The following SLC22A8 variants were observed in gnomAD, a reference collection of about 807,000 sequenced individuals.
SLC22A8 encodes the protein solute carrier family 22 member 8.
In SLC22A8, 40 loss-of-function variants were observed where a neutral mutation model predicts 48.4. The ratio of observed to expected loss-of-function variants is 0.83; its 90% CI spans 0.64 to 1.08. The LOEUF is 1.08. Among genes scored for constraint, SLC22A8 ranks in the 50% least tolerant of loss-of-function variants. The probability of loss-of-function intolerance (pLI) is 0.00; values close to 1 mark genes in which losing one functional copy is unlikely to be tolerated. For synonymous variants in SLC22A8, 268 were observed against 286.3 expected, an observed-to-expected ratio of 0.94 and a Z score of 0.65; for missense variants, 606 against 699.0, an observed-to-expected ratio of 0.87 and a Z score of 1.50.
At chr11:63,009,689 C>T (rs1183900780) in intron 2 of SLC22A8, among the ~76,000 whole-genome samples, 1 of 152,180 alleles carries the variant, frequency 6.6e-6, no homozygotes, top group African/African-American at 2.4e-5. Flanking sequence ...AATTTGTGGT[C>T]ACCCCTGCCA....
chr11:63,007,030 C>T (rs193229191), intron 2 of SLC22A8, among the ~76,000 whole-genome samples: 21 of 152,264 alleles, frequency 1.4e-4, no homozygotes, highest in Non-Finnish European at 2.8e-4. Context: ...TGTACCAAGA[C>T]CCTGAGGAGG....
At position 63,014,946 on chromosome 11, in the gene SLC22A8, C is replaced by T; in HGVS notation, c.13G>A (p.Glu5Lys). 6.5e-7 allele frequency: 1 copy of T among 1,548,638 alleles called. No individual in the cohort carries two copies. The highest frequency in any genetic ancestry group is 8.8e-7 in the Non-Finnish European group (1 of 1,141,944). Residue 5 changes from glutamate (E) to lysine (K), a missense_variant, in exon 2 of 11, where the codon GAG (glutamate) becomes AAG (lysine). Physicochemically the swap from Glu to Lys is moderately conservative, Grantham distance 56. Transcript: ENST00000336232. ...ATGCTTCCCACACGGTCCAGGATCTCCGAGAAGGTCATGGCACTGGGGCAA... is the reference window on the plus strand; with the variant it reads ...ATGCTTCCCACACGGTCCAGGATCTTCGAGAAGGTCATGGCACTGGGGCAA... MTFS[E>K]ILDRVGSMGH...
chr11:63,000,752 A>G lies in SLC22A8; in HGVS notation c.405T>C (p.Ile135=), dbSNP rs2086483869. 9 of 1,613,966 alleles carry G rather than the reference A, an allele frequency of 5.6e-6. No homozygotes were observed. The highest frequency in any genetic ancestry group is 7.6e-6 in the Non-Finnish European group (9 of 1,179,872). Residue 135 remains isoleucine (I), a synonymous_variant, in exon 3 of 11, where the codon ATT becomes ATC. Coordinates refer to ENST00000336232, the MANE Select transcript of SLC22A8 (RefSeq NM_004254.4). ...AQSIFMAGIL[I]GGLVLGDLSD... Reference sequence around the variant, plus strand: ...ACAGGTCTCCAAGCACGAGCCCTCCAATCAGTATACCTGCCATGAAGATAG... The same window carrying G: ...ACAGGTCTCCAAGCACGAGCCCTCCGATCAGTATACCTGCCATGAAGATAG...
intron 2 of SLC22A8, among the ~76,000 whole-genome samples, chr11:63,006,800 G>T (rs2086562236): frequency 6.7e-6 from 1 of 150,048 alleles, no homozygotes. Flanking sequence ...GTAGAGACAA[G>T]ATTTCACCAT....
intron 7 of SLC22A8, chr11:62,995,281 A>C (rs1207685339): frequency 4.1e-6 from 1 of 243,474 alleles, no homozygotes. Flanking sequence ...AAAGTCAGAC[A>C]GAGGAGAAAA....
At chr11:63,006,064 G>T (rs1397622640) in intron 2 of SLC22A8, among the ~76,000 whole-genome samples, 2 of 152,130 alleles carry the variant, frequency 1.3e-5, no homozygotes, top group Non-Finnish European at 2.9e-5. Context: ...GAGAGAGGAA[G>T]GTATTTAGAG....
chr11:62,999,623 C>G (rs957264356), intron 4 of SLC22A8, 65 bp downstream of exon 4: 16 of 1,344,582 alleles, frequency 1.2e-5, no homozygotes, highest in Non-Finnish European at 1.6e-5. Flanking sequence ...GACCCAGACC[C>G]CATTCTCTTT....
chr11:63,003,336 A>C, intron 2 of SLC22A8, among the ~76,000 whole-genome samples: 1 of 152,198 alleles, frequency 6.6e-6, no homozygotes, highest in East Asian at 1.9e-4. Context: ...GTTGGAAGTG[A>C]GGGAGAATGG....
chr11:63,011,751 G>A (rs1176505263), intron 2 of SLC22A8, among the ~76,000 whole-genome samples: 2 of 152,162 alleles, frequency 1.3e-5, no homozygotes, highest in East Asian at 1.9e-4. Context: ...CCTCTAAGGG[G>A]CAGTCAGAGT....
At chr11:63,012,498 T>C (rs2135147315) in intron 2 of SLC22A8, among the ~76,000 whole-genome samples, 1 of 152,284 alleles carries the variant, frequency 6.6e-6, no homozygotes, top group East Asian at 1.9e-4. Flanking sequence ...AGTGCGCTGC[T>C]CACTAACTCC....
rs1453301256 is a variant in SLC22A8 at position 62,994,384 on chromosome 11, A to G, written c.1216+158T>C. On this transcript the variant is annotated intron_variant, in intron 8 of 10. Coordinates refer to ENST00000336232, the MANE Select transcript of SLC22A8 (RefSeq NM_004254.4). ...AGGAGCTTTCATGTCATCTAGCCCA[A>G]TTGCGTTATTTTCTAGAAGAGAGAC... 21 of 622,442 alleles carry G rather than the reference A, an allele frequency of 3.4e-5. No individual in the cohort carries two copies. In the South Asian group the frequency reaches 3.7e-4, roughly 11 times the overall value. 38.6% of individuals were successfully genotyped at this position (622,442 alleles called of 1,614,324 possible).
intron 8 of SLC22A8, chr11:62,994,230 A>T (rs2135115135): frequency 1.9e-6 from 1 of 523,242 alleles, no homozygotes; most frequent in South Asian, 2.4e-5. Flanking sequence ...CTTGAGCATG[A>T]GCTCTGTCGT....
chr11:63,013,315 GC>G (rs1220533101), intron 2 of SLC22A8, among the ~76,000 whole-genome samples: 1 of 152,184 alleles, frequency 6.6e-6, no homozygotes, highest in Non-Finnish European at 1.5e-5. Flanking sequence ...ATCAAGCTGA[GC>G]CTCAGTTTCC....
rs530792735 is a variant in SLC22A8 at position 63,000,650 on chromosome 11, G to A, written c.437+70C>T. 121 of 1,147,266 alleles carry A rather than the reference G, an allele frequency of 1.1e-4. 2 individuals are homozygous for A. The South Asian group carries it at 1.4e-3, about 13-fold the overall frequency. 71.1% of individuals were successfully genotyped at this position (1,147,266 alleles called of 1,614,324 possible). A position where few individuals can be genotyped will look rare whatever the true frequency, so the allele number is the denominator to read the frequency against. Reference sequence around the variant, plus strand: ...GCTCTTTGCCTCTTTGCGGGTGCACGGGTGGAGCAGAGTAGGGAAGGGTTG... The same window carrying A: ...GCTCTTTGCCTCTTTGCGGGTGCACAGGTGGAGCAGAGTAGGGAAGGGTTG... On this transcript the variant is annotated intron_variant, in intron 3 of 10. Coordinates refer to ENST00000336232, the MANE Select transcript of SLC22A8 (RefSeq NM_004254.4).
chr11:62,994,120 A>G (rs2135114970), intron 8 of SLC22A8: 1 of 569,686 alleles, frequency 1.8e-6, no homozygotes, highest in Non-Finnish European at 3.1e-6. Context: ...AAATACCTCA[A>G]GTTCTTTTGG....
chr11:62,996,678 T>A (rs938247139), intron 5 of SLC22A8, among the ~76,000 whole-genome samples: 1 of 152,180 alleles, frequency 6.6e-6, no homozygotes, highest in South Asian at 2.1e-4. Flanking sequence ...CTAACTCTGC[T>A]GGGGGAGTTG....
chr11:62,994,778 G>A, intron 7 of SLC22A8, 22 bp from the exon 8 acceptor site: 7 of 1,596,236 alleles, frequency 4.4e-6, no homozygotes, highest in Non-Finnish European at 6.0e-6. Flanking sequence ...AGAAGGATTG[G>A]TTAGCACCTG....
chr11:62,995,065 A>T (rs1020775709), intron 7 of SLC22A8: 1 of 440,300 alleles, frequency 2.3e-6, no homozygotes, highest in Admixed American at 3.5e-5. Flanking sequence ...GCAGTAAATG[A>T]TCTCTCCTGG....
At chr11:63,009,407 G>A (rs1353389768) in intron 2 of SLC22A8, among the ~76,000 whole-genome samples, 1 of 152,056 alleles carries the variant, frequency 6.6e-6, no homozygotes, top group Non-Finnish European at 1.5e-5. Flanking sequence ...TTGCAGCCCT[G>A]GAGACAAGGC....
Sources: gnomAD v4.1 joint callset for allele counts (sites outside exome capture counted in the v4.1 genomes callset) on GRCh38, gnomAD v4.1.1 for gene constraint, MANE v1.5 for transcripts, NCBI Gene and HGNC (gene_info 2026-07-23, HGNC 2026-07-21) for gene names.